ANKRD17: variants seen among roughly 807,000 people sequenced by gnomAD.
ANKRD17 encodes the protein ankyrin repeat domain 17.
A neutral mutation model predicts 229.7 loss-of-function variants in ANKRD17; 19 were observed. The observed-to-expected ratio is 0.08, with a 90% confidence interval of 0.06 to 0.12. The LOEUF is 0.12. ANKRD17 is among the 10% of genes least tolerant of loss of function. ANKRD17 has a pLI of 1.00. For missense variants in ANKRD17, 2,176 were observed against 3,176.8 expected, an observed-to-expected ratio of 0.68 and a Z score of 7.57; for synonymous variants, 1,112 against 1,146.1, an observed-to-expected ratio of 0.97 and a Z score of 0.60.
Position 73,140,569 on chromosome 4 carries a change from C to T in ANKRD17, c.2333-286G>A, listed in dbSNP as rs533054309. On this transcript the variant is annotated intron_variant, in intron 14 of 33. Transcript: ENST00000358602. Reference sequence around the variant, plus strand: ...TGCAGGTTTGTGATATCTAAGTGTGCAATTAAAGTAACATCTAAGGCTATG... The same window carrying T: ...TGCAGGTTTGTGATATCTAAGTGTGTAATTAAAGTAACATCTAAGGCTATG... Among the ~76,000 whole-genome samples the T allele has an allele frequency of 4.6e-5, 7 of 152,144 alleles. No homozygotes were observed. In the South Asian group the frequency reaches 1.5e-3, roughly 32 times the overall value.
At chr4:73,234,909 A>G (rs898494088) in intron 1 of ANKRD17, among the ~76,000 whole-genome samples, 1 of 152,100 alleles carries the variant, frequency 6.6e-6, no homozygotes, top group African/African-American at 2.4e-5. Flanking sequence ...ACTGCCCACT[A>G]CTACTGATTG....
intron 1 of ANKRD17, among the ~76,000 whole-genome samples, chr4:73,190,041 T>G (rs565895607): frequency 1.3e-5 from 2 of 152,212 alleles, no homozygotes; most frequent in Non-Finnish European, 2.9e-5. Context: ...ATTAAAATAC[T>G]TATTAAGCCA....
chr4:73,228,111 A>G (rs965732590), intron 1 of ANKRD17, among the ~76,000 whole-genome samples: 9 of 152,202 alleles, frequency 5.9e-5, no homozygotes, highest in Admixed American at 3.9e-4. Flanking sequence ...ACTTTATAGT[A>G]TCTCTCTTTT....
At chr4:73,114,857 G>T (rs1725749724) in intron 23 of ANKRD17, among the ~76,000 whole-genome samples, 1 of 152,110 alleles carries the variant, frequency 6.6e-6, no homozygotes, top group African/African-American at 2.4e-5. Flanking sequence ...AAGATTTGTT[G>T]TCCTCTTTGG....
At chr4:73,092,372 AT>A in intron 28 of ANKRD17, 72 bp from the exon 29 acceptor site, 1 of 1,195,474 alleles carries the variant, frequency 8.4e-7, no homozygotes, top group Non-Finnish European at 1.2e-6. Context: ...TTTAATATGT[AT>A]TTATGTACAC....
chr4:73,128,582 T>C (rs185766758), intron 16 of ANKRD17, among the ~76,000 whole-genome samples: 22 of 152,314 alleles, frequency 1.4e-4, no homozygotes, highest in African/African-American at 4.8e-4. Flanking sequence ...GCACCTTTTA[T>C]ATTCAAAGCA....
chr4:73,120,332 A>G lies in ANKRD17; in HGVS notation c.3855T>C (p.Gly1285=). 1 of 1,613,904 alleles carries G rather than the reference A, an allele frequency of 6.2e-7. No individual in the cohort carries two copies. Among genetic ancestry groups the G allele is most frequent in the African/African-American group, 1.3e-5 (1 of 75,010 alleles). ...KANVEHRAKT[G]LTPLMEAASG... ...AGGCAGCTTCCATTAGTGGTGTGAG[A>G]CCAGTCTAAGTTTAGTGTAAAATTA... Residue 1285 remains glycine, a synonymous_variant, in exon 21 of 34, where the codon GGT becomes GGC. Coordinates refer to ENST00000358602, the MANE Select transcript of ANKRD17 (RefSeq NM_032217.5).
intron 1 of ANKRD17, among the ~76,000 whole-genome samples, chr4:73,235,923 C>T (rs576306836): frequency 2.0e-5 from 3 of 151,462 alleles, no homozygotes; most frequent in East Asian, 3.9e-4. Context: ...AGGCTGGTTT[C>T]GAACTCCTGA....
At chr4:73,145,859 TTAAATTA>T (rs1228471109) in intron 10 of ANKRD17, among the ~76,000 whole-genome samples, 2 of 152,130 alleles carry the variant, frequency 1.3e-5, no homozygotes, top group African/African-American at 2.4e-5. Flanking sequence ...AAAAGAAAGA[TTAAATTA>T]TAAATTATTA....
At chr4:73,235,731 C>T (rs2149250147) in intron 1 of ANKRD17, among the ~76,000 whole-genome samples, 1 of 152,264 alleles carries the variant, frequency 6.6e-6, no homozygotes, top group Non-Finnish European at 1.5e-5. Flanking sequence ...TCTTATCTTT[C>T]CACCCTCAGA....
chr4:73,181,639 C>T (rs529368594), intron 1 of ANKRD17, among the ~76,000 whole-genome samples: 2 of 152,086 alleles, frequency 1.3e-5, no homozygotes, highest in African/African-American at 2.4e-5. Context: ...ATGAATTTTC[C>T]CTCTGAAACC....
At chr4:73,212,655 G>C (rs1740440445) in intron 1 of ANKRD17, among the ~76,000 whole-genome samples, 1 of 152,006 alleles carries the variant, frequency 6.6e-6, no homozygotes, top group Non-Finnish European at 1.5e-5. Flanking sequence ...AAAACTTTCT[G>C]ATATGTGTGA....
intron 1 of ANKRD17, among the ~76,000 whole-genome samples, chr4:73,205,549 A>C (rs1739329524): frequency 1.3e-5 from 2 of 152,194 alleles, no homozygotes; most frequent in Non-Finnish European, 2.9e-5. Context: ...ATGCAAAAAA[A>C]TGCAATTACA....
At chr4:73,148,662 A>G in intron 8 of ANKRD17, 151 bp downstream of exon 8, 7 of 701,952 alleles carry the variant, frequency 1.0e-5, no homozygotes, top group Non-Finnish European at 1.6e-5. Context: ...ACAGTATGGG[A>G]GCCATTTTCA....
chr4:73,092,851 G>C (rs1381582836), intron 28 of ANKRD17, among the ~76,000 whole-genome samples: 2 of 152,138 alleles, frequency 1.3e-5, no homozygotes, highest in East Asian at 1.9e-4. Flanking sequence ...GATAATTATT[G>C]TAACTCCTCT....
Position 73,085,454 on chromosome 4 carries a change from G to T in ANKRD17, c.6962-8C>A. 6.2e-7 allele frequency: 1 copy of T among 1,607,286 alleles called. No homozygotes were observed. The highest frequency in any genetic ancestry group is 8.5e-7 in the Non-Finnish European group (1 of 1,174,060). ...AGTCCATATTGACAATACCTATAAT[G>T]TAGAAGGTCATCATAATTTATAATA... On this transcript the variant is annotated splice_polypyrimidine_tract_variant and splice_region_variant and intron_variant, in intron 29 of 33. Transcript: ENST00000358602.
At chr4:73,246,055 A>T (rs1276715989) in intron 1 of ANKRD17, among the ~76,000 whole-genome samples, 1 of 152,156 alleles carries the variant, frequency 6.6e-6, no homozygotes, top group African/African-American at 2.4e-5. Flanking sequence ...AATGCCTACT[A>T]CTTCAAATGT....
chr4:73,209,700 A>G (rs997484232), intron 1 of ANKRD17, among the ~76,000 whole-genome samples: 1 of 152,228 alleles, frequency 6.6e-6, no homozygotes, highest in South Asian at 2.1e-4. Context: ...CCTTAACAAG[A>G]TATTAGTAAG....
At chr4:73,181,222 TAC>T (rs1735501615) in intron 1 of ANKRD17, among the ~76,000 whole-genome samples, 1 of 152,224 alleles carries the variant, frequency 6.6e-6, no homozygotes, top group South Asian at 2.1e-4. Flanking sequence ...ATTGATTTAT[TAC>T]ACACACATTT....
Sources: gnomAD v4.1 joint callset for allele counts (sites outside exome capture counted in the v4.1 genomes callset) on GRCh38, gnomAD v4.1.1 for gene constraint, MANE v1.5 for transcripts, NCBI Gene and HGNC (gene_info 2026-07-23, HGNC 2026-07-21) for gene names.